Variants in NR5A1 observed in about 807,000 individuals in gnomAD.
The protein encoded by NR5A1 is nuclear receptor subfamily 5 group A member 1.
NR5A1 carries 6 observed loss-of-function variants against 42.7 expected under a neutral mutation model. That is an observed-to-expected ratio of 0.14 (90% CI 0.08 to 0.28). The LOEUF is 0.28. Ranked by LOEUF, NR5A1 falls within the 10% of genes least tolerant of loss-of-function variation. The pLI, the probability that NR5A1 is intolerant of heterozygous loss-of-function variation, is 1.00. For synonymous variants in NR5A1, 274 were observed against 277.5 expected, an observed-to-expected ratio of 0.99 and a Z score of 0.12; for missense variants, 442 against 626.4, an observed-to-expected ratio of 0.71 and a Z score of 3.14.
chr9:124,487,054 C>A (rs1832222191), intron 6 of NR5A1, among the ~76,000 whole-genome samples: 1 of 152,226 alleles, frequency 6.6e-6, no homozygotes, highest in Non-Finnish European at 1.5e-5. Context: ...TGGAGAGGAG[C>A]CTGCGCCCCC....
chr9:124,499,551 A>G (rs1201776210), intron 4 of NR5A1, among the ~76,000 whole-genome samples: 2 of 152,122 alleles, frequency 1.3e-5, no homozygotes, highest in East Asian at 3.9e-4. Context: ...CTAAAACACT[A>G]AGAGCCCCCA....
chr9:124,491,494 T>C lies in NR5A1; in HGVS notation c.991-266A>G, dbSNP rs1184335604. Among the ~76,000 whole-genome samples the C allele has an allele frequency of 2.6e-5, 4 of 151,944 alleles. No individual in the cohort carries two copies. In the South Asian group the frequency reaches 6.2e-4, roughly 24 times the overall value. Reference sequence around the variant, plus strand: ...CCCACGTTCTGCCCGCGTCCACCCCTCCTTCACACACAAACCCCAGCACCA... The same window carrying C: ...CCCACGTTCTGCCCGCGTCCACCCCCCCTTCACACACAAACCCCAGCACCA... On this transcript the variant is annotated intron_variant, in intron 5 of 6. Coordinates refer to ENST00000373588, the MANE Select transcript of NR5A1 (RefSeq NM_004959.5).
intron 6 of NR5A1, among the ~76,000 whole-genome samples, chr9:124,487,471 G>A (rs1369871504): frequency 6.6e-6 from 1 of 152,240 alleles, no homozygotes; most frequent in Non-Finnish European, 1.5e-5. Flanking sequence ...AATGCCAGCC[G>A]GGCCCATCTT....
At chr9:124,487,744 C>G (rs1007306136) in intron 6 of NR5A1, among the ~76,000 whole-genome samples, 2 of 152,218 alleles carry the variant, frequency 1.3e-5, no homozygotes, top group South Asian at 4.1e-4. Context: ...TGGCAAGTGG[C>G]GGTCCCTCTC....
In NR5A1 at chr9:124,498,979, G is replaced by T. The variant is rs747707933; in HGVS notation, c.870+1111C>A. ...ATGCCCCTGGAGGAAGCCCAGGCCC[G>T]AGTGGCGTCAGCATTGACAATGCTG... On this transcript the variant is annotated intron_variant, in intron 4 of 6. Transcript: ENST00000373588. The surrounding 1 kb of genome is among the most constrained non-coding windows in gnomAD (Gnocchi z 4.6). Among the ~76,000 whole-genome samples the T allele has an allele frequency of 3.9e-5, 6 of 152,110 alleles. No homozygotes were observed. Among genetic ancestry groups the T allele is most frequent in the Non-Finnish European group, 8.8e-5 (6 of 68,006 alleles).
intron 5 of NR5A1, among the ~76,000 whole-genome samples, chr9:124,491,857 G>A (rs916934720): frequency 1.3e-5 from 2 of 151,504 alleles, no homozygotes; most frequent in Non-Finnish European, 2.9e-5. Flanking sequence ...ACACTGATGT[G>A]TGTGGAGATT....
rs915034 is a variant in NR5A1, at chr9:124,482,676, G to A, written c.*82C>T. The stretch of plus-strand genomic sequence containing the variant: ...GTGGGCATCAGAAAATGAACCATGC[G>A]GAGCCAGCGGTGTGGCTGCGGCCCC... On this transcript the variant is annotated 3_prime_UTR_variant, in exon 7 of 7. Coordinates refer to ENST00000373588, the MANE Select transcript of NR5A1 (RefSeq NM_004959.5). The A allele has an allele frequency of 0.48, 615,216 of 1,269,752 alleles. 163,539 individuals are homozygous for A. Among genetic ancestry groups the A allele is most frequent in the East Asian group, 0.81 (28,863 of 35,560 alleles). 78.7% of individuals were successfully genotyped at this position (1,269,752 alleles called of 1,614,324 possible). A position where few individuals can be genotyped will look rare whatever the true frequency, so the allele number is the denominator to read the frequency against.
rs1832192278 is a variant in NR5A1, at chr9:124,485,404, C to A, written c.1139-2399G>T. Among the ~76,000 whole-genome samples the A allele has an allele frequency of 2.6e-5, 4 of 152,204 alleles. No homozygotes were observed. The South Asian group carries it at 8.3e-4, about 31-fold the overall frequency. On this transcript the variant is annotated intron_variant, in intron 6 of 6. Transcript: ENST00000373588. ...CCCGCTGCACCAGGAGAGCGCCACG[C>A]TCCTGGCAACCCTGATCCCTGGCCG...
At chr9:124,497,476 A>T (rs1832405235) in intron 4 of NR5A1, among the ~76,000 whole-genome samples, 1 of 152,086 alleles carries the variant, frequency 6.6e-6, no homozygotes, top group South Asian at 2.1e-4. Context: ...GGGGAGGAAG[A>T]CCCCAAGAGG....
chr9:124,487,083 G>C (rs887568043), intron 6 of NR5A1, among the ~76,000 whole-genome samples: 1 of 152,230 alleles, frequency 6.6e-6, no homozygotes, highest in African/African-American at 2.4e-5. Context: ...CTCAGCTCCC[G>C]GCACTCGCGG....
chr9:124,486,308 C>A (rs1832208370), intron 6 of NR5A1, among the ~76,000 whole-genome samples: 1 of 152,172 alleles, frequency 6.6e-6, no homozygotes, highest in Non-Finnish European at 1.5e-5. Context: ...CCGGGCACCC[C>A]CCAGGCACCT....
rs117964840 is a variant in NR5A1, at chr9:124,484,807, G to A, written c.1139-1802C>T. On this transcript the variant is annotated intron_variant, in intron 6 of 6. Coordinates refer to ENST00000373588, the MANE Select transcript of NR5A1 (RefSeq NM_004959.5). ...TAAAGCTTGTACACAAAGCAGACGTGCCATGGGAAGACAGGGGCAAACAGG... is the reference window on the plus strand; with the variant it reads ...TAAAGCTTGTACACAAAGCAGACGTACCATGGGAAGACAGGGGCAAACAGG... Among the ~76,000 whole-genome samples, 760 of 152,126 alleles carry A rather than the reference G, an allele frequency of 5.0e-3. 7 individuals are homozygous for A. The highest frequency in any genetic ancestry group is 8.2e-3 in the Non-Finnish European group (558 of 67,994).
In NR5A1 at chr9:124,482,865, G is replaced by A; in HGVS notation, c.1279C>T (p.Arg427Trp). ...TCCTTGGCCTGCATGCTCAGGGCCC[G>A]CACCTCCACCAGGCACAGCAGCAGC... is the stretch of plus-strand genomic sequence containing the variant. The part of the protein sequence containing the change: ...QQLLLCLVEV[R>W]ALSMQAKEYL... Residue 427 changes from arginine (R) to tryptophan (W), a missense_variant, in exon 7 of 7, where the codon CGG (arginine) becomes TGG (tryptophan). This residue lies in a region of NR5A1 where 163 missense variants were observed against 265.8 expected (regional missense o/e 0.61). Transcript: ENST00000373588. The A allele has an allele frequency of 1.2e-6, 2 of 1,613,880 alleles. No homozygotes were observed. Among genetic ancestry groups the A allele is most frequent in the South Asian group, 1.1e-5 (1 of 91,060 alleles).
At chr9:124,491,348 C>A (rs1002192222) in intron 5 of NR5A1, 120 bp from the exon 6 acceptor site, 2 of 769,900 alleles carry the variant, frequency 2.6e-6, no homozygotes. Context: ...GATGGGCTGG[C>A]GTCAGGAGGG....
chr9:124,493,286 A>T, intron 4 of NR5A1, 137 bp from the exon 5 acceptor site: 1 of 1,173,868 alleles, frequency 8.5e-7, no homozygotes, highest in Non-Finnish European at 1.2e-6. Flanking sequence ...ATCTACCCAG[A>T]TGTCTAGGCT....
rs546897508 is a variant in NR5A1, at chr9:124,496,470, G to A, written c.871-3321C>T. Among the ~76,000 whole-genome samples, 2 of 152,062 alleles carry A rather than the reference G, an allele frequency of 1.3e-5. No homozygotes were observed. Among genetic ancestry groups the A allele is most frequent in the African/African-American group, 4.8e-5 (2 of 41,448 alleles). ...AGCCATCCACCCCTCCCACCGGACC[G>A]CCACAAATCTTCCTGGAGCCTTGAC... On this transcript the variant is annotated intron_variant, in intron 4 of 6. Transcript: ENST00000373588. This position sits in a 1 kb window ranked among gnomAD's most constrained non-coding sequence, Gnocchi z 5.0.
In NR5A1 at chr9:124,498,341, C is replaced by T. The variant is rs1832416239; in HGVS notation, c.870+1749G>A. 1.3e-5 allele frequency among the ~76,000 whole-genome samples: 2 copies of T among 152,188 alleles called. No individual in the cohort carries two copies. The highest frequency in any genetic ancestry group is 6.5e-5 in the Admixed American group (1 of 15,282). ...CCTTTAGAGAAGCTGGTGACCACTG[C>T]TCATAATCCCGGGCTCAATTCAAAG... On this transcript the variant is annotated intron_variant, in intron 4 of 6. Transcript: ENST00000373588. This position sits in a 1 kb window ranked among gnomAD's most constrained non-coding sequence, Gnocchi z 4.6.
chr9:124,489,685 G>T (rs1256278684), intron 6 of NR5A1, among the ~76,000 whole-genome samples: 1 of 152,044 alleles, frequency 6.6e-6, no homozygotes, highest in African/African-American at 2.4e-5. Flanking sequence ...CCGAGCCTGG[G>T]TCCCTGAGGC....
intron 3 of NR5A1, among the ~76,000 whole-genome samples, chr9:124,502,134 G>C (rs1457782767): frequency 6.6e-6 from 1 of 152,090 alleles, no homozygotes; most frequent in African/African-American, 2.4e-5. Flanking sequence ...ATGTGTGGGG[G>C]CTGGGCGGTG....
Sources: gnomAD v4.1 joint callset for allele counts (sites outside exome capture counted in the v4.1 genomes callset) on GRCh38, gnomAD v4.1.1 for gene constraint, gnomAD v4.1.1 regional missense constraint, Gnocchi (gnomAD v3.1) non-coding constraint, MANE v1.5 for transcripts, NCBI Gene and HGNC (gene_info 2026-07-23, HGNC 2026-07-21) for gene names.